Variants in PCBP2 observed in about 807,000 individuals in gnomAD.
PCBP2 encodes poly(rC)-binding protein 2.
PCBP2 carries 4 observed loss-of-function variants against 50.1 expected under a neutral mutation model. The ratio of observed to expected loss-of-function variants is 0.08; its 90% CI spans 0.04 to 0.18. The LOEUF (loss-of-function observed/expected upper bound fraction) is 0.18, where lower values mean the gene tolerates loss of function less well. Ranked by LOEUF, PCBP2 falls within the 10% of genes least tolerant of loss-of-function variation. The probability of loss-of-function intolerance (pLI) is 1.00; values close to 1 mark genes in which losing one functional copy is unlikely to be tolerated. For synonymous variants in PCBP2, 179 were observed against 168.0 expected (o/e 1.07, Z -0.51); for missense variants, 161 against 474.3 (o/e 0.34, Z 6.14).
At chr12:53,464,159 T>A (rs1941646319) in intron 8 of PCBP2, among the ~76,000 whole-genome samples, 2 of 151,988 alleles carry the variant, frequency 1.3e-5, no homozygotes, top group African/African-American at 4.8e-5. Context: ...GAACTCCAGG[T>A]TCCTGCTCTT....
At position 53,454,810 on chromosome 12, in the gene PCBP2, G is replaced by A. The variant is rs1489715518; in HGVS notation, c.10G>A (p.Gly4Ser). The change falls in exon 2 of 15, where the codon GGT becomes AGT. Residue 4 changes from glycine (G) to serine (S), a missense_variant. Physicochemically the swap from Gly to Ser is moderately conservative, Grantham distance 56. This residue lies in a region of PCBP2 where 11 missense variants were observed against 16.4 expected (regional missense o/e 0.67). Transcript: ENST00000546463. MDT[G>S]VIEGGLNVTL... Reference sequence around the variant, plus strand: ...CAGAACACTGCTCGACATGGACACCGGTGTGATTGAAGGTGGATTAAATGT... The same window carrying A: ...CAGAACACTGCTCGACATGGACACCAGTGTGATTGAAGGTGGATTAAATGT... 3.1e-6 allele frequency: 5 copies of A among 1,614,014 alleles called. No homozygotes were observed. The highest frequency in any genetic ancestry group is 4.2e-6 in the Non-Finnish European group (5 of 1,179,888).
chr12:53,477,620 C>T (rs987590460), intron 14 of PCBP2, among the ~76,000 whole-genome samples: 8 of 135,836 alleles, frequency 5.9e-5, no homozygotes, highest in African/African-American at 1.3e-4. Context: ...GAGCCGAGAC[C>T]GCGCCACTGT....
intron 7 of PCBP2, among the ~76,000 whole-genome samples, chr12:53,462,011 G>A (rs1194029410): frequency 6.6e-6 from 1 of 152,076 alleles, no homozygotes; most frequent in Non-Finnish European, 1.5e-5. Context: ...ACCCAACCTG[G>A]AAACTGGAAT....
chr12:53,479,671 G>GTTTTTTTTGTTTTTTGT lies in PCBP2; in HGVS notation c.*237_*238insGTTTTTTGTTTTTTTTT, dbSNP rs1942923608. 4 of 206,780 alleles carry GTTTTTTTTGTTTTTTGT rather than the reference G, an allele frequency of 1.9e-5. No homozygotes were observed. The highest frequency in any genetic ancestry group is 3.7e-5 in the Non-Finnish European group (4 of 108,890). 12.8% of individuals were successfully genotyped at this position (206,780 alleles called of 1,614,324 possible). ...ATTTAGTTTTATAAGCTTCTCCCTG[G>GTTTTTTTTGTTTTTTGT]TTTTTTTTTTTTGGCTCATGAATTT... On this transcript the variant is annotated 3_prime_UTR_variant, in exon 15 of 15. Transcript: ENST00000546463.
At chr12:53,453,058 T>G (rs1940696259) in intron 1 of PCBP2, 1 of 152,142 alleles carries the variant, frequency 6.6e-6, no homozygotes, top group Non-Finnish European at 1.5e-5. Context: ...GACAGCAGTG[T>G]TAGCAGCTGG....
intron 5 of PCBP2, among the ~76,000 whole-genome samples, chr12:53,458,871 C>T (rs1941242102): frequency 1.3e-5 from 2 of 152,090 alleles, no homozygotes; most frequent in Admixed American, 1.3e-4. Context: ...ACTCCCTGAC[C>T]TGAAATGATT....
At chr12:53,459,564 G>T (rs1484418154) in intron 6 of PCBP2, among the ~76,000 whole-genome samples, 161 bp downstream of exon 6, 1 of 152,070 alleles carries the variant, frequency 6.6e-6, no homozygotes, top group African/African-American at 2.4e-5. Context: ...TCATGCAATA[G>T]AATTATTTTG....
chr12:53,470,900 T>G (rs1395197203), intron 13 of PCBP2, among the ~76,000 whole-genome samples: 6 of 152,128 alleles, frequency 3.9e-5, no homozygotes, highest in Non-Finnish European at 7.3e-5. Context: ...ATTTCTACCT[T>G]TATCTATTTC....
intron 14 of PCBP2, among the ~76,000 whole-genome samples, chr12:53,472,795 C>T (rs372710857): frequency 6.6e-6 from 1 of 152,220 alleles, no homozygotes; most frequent in East Asian, 1.9e-4. Context: ...TACCATTTCC[C>T]CAGTAGCAGT....
Position 53,474,550 on chromosome 12 carries a change from C to T in PCBP2, c.1052+2743C>T, listed in dbSNP as rs138896319. Among the ~76,000 whole-genome samples, 10 of 152,282 alleles carry T rather than the reference C, an allele frequency of 6.6e-5. No homozygotes were observed. The East Asian group carries it at 7.7e-4, about 12-fold the overall frequency. On this transcript the variant is annotated intron_variant, in intron 14 of 14. Coordinates refer to ENST00000546463, the MANE Select transcript of PCBP2 (RefSeq NM_031989.5). The stretch of plus-strand genomic sequence containing the variant: ...TGATTGATGAGTATCTTTTTCTACC[C>T]GAAATCATTCCTTCAACATCTGGGT...
chr12:53,470,363 C>A (rs1227023323), intron 13 of PCBP2, among the ~76,000 whole-genome samples: 3 of 109,730 alleles, frequency 2.7e-5, no homozygotes, highest in African/African-American at 1.0e-4. Context: ...GGCAACAGAC[C>A]AAGACTCCGT....
At chr12:53,455,280 A>T (rs540352387) in intron 2 of PCBP2, 67 bp from the exon 3 acceptor site, 1 of 1,448,612 alleles carries the variant, frequency 6.9e-7, no homozygotes, top group Admixed American at 2.0e-5. Context: ...AAGGAAAAAT[A>T]AAATATATTT....
At position 53,457,305 on chromosome 12, in the gene PCBP2, G is replaced by A. The variant is rs181726035; in HGVS notation, c.243+1304G>A. ...TGACCTCAAGTGGTCCTCCTGTTTC[G>A]CCTCCCAAAGTGTTGGGATTACAGG... On this transcript the variant is annotated intron_variant, in intron 5 of 14. Transcript: ENST00000546463. Among the ~76,000 whole-genome samples, 27 of 152,202 alleles carry A rather than the reference G, an allele frequency of 1.8e-4. No individual in the cohort carries two copies. The South Asian group carries it at 2.1e-3, about 12-fold the overall frequency.
chr12:53,471,527 A>G (rs1191740528), intron 13 of PCBP2, 111 bp from the exon 14 acceptor site: 1 of 991,750 alleles, frequency 1.0e-6, no homozygotes, highest in Non-Finnish European at 1.4e-6. Context: ...AGATCAGGCC[A>G]CTGCACTCCA....
intron 8 of PCBP2, chr12:53,464,365 G>T (rs1202891447): frequency 2.1e-5 from 2 of 96,924 alleles, no homozygotes; most frequent in Admixed American, 1.7e-4. Context: ...CTAAAAATTT[G>T]CAGCTTCTTC....
At chr12:53,476,875 T>A (rs919078984) in intron 14 of PCBP2, among the ~76,000 whole-genome samples, 1 of 152,142 alleles carries the variant, frequency 6.6e-6, no homozygotes, top group Non-Finnish European at 1.5e-5. Context: ...TAGTTAGGAC[T>A]TAATCATGCT....
At chr12:53,468,520 C>G (rs1941975966) in intron 12 of PCBP2, 3 of 504,588 alleles carry the variant, frequency 5.9e-6, no homozygotes, top group Non-Finnish European at 1.1e-5. Context: ...GCTTCCATCC[C>G]CCATCCCTAA....
chr12:53,464,701 C>T, intron 8 of PCBP2, 59 bp from the exon 9 acceptor site: 1 of 1,574,404 alleles, frequency 6.4e-7, no homozygotes, highest in Non-Finnish European at 8.6e-7. Context: ...GAATTTCATG[C>T]TGGTGACAAG....
At chr12:53,468,139 G>C (rs1941945917) in intron 12 of PCBP2, 1 of 314,202 alleles carries the variant, frequency 3.2e-6, no homozygotes, top group African/African-American at 2.1e-5. Flanking sequence ...ATTTGCTGAT[G>C]GGATTTTTTT....
Sources: gnomAD v4.1 joint callset for allele counts (sites outside exome capture counted in the v4.1 genomes callset) on GRCh38, gnomAD v4.1.1 for gene constraint, gnomAD v4.1.1 regional missense constraint, MANE v1.5 for transcripts, NCBI Gene and HGNC (gene_info 2026-07-23, HGNC 2026-07-21) for gene names.